CHSY3: variants seen among roughly 807,000 people sequenced by gnomAD.
CHSY3 encodes the protein chondroitin sulfate synthase 3.
A neutral mutation model predicts 67.2 loss-of-function variants in CHSY3; 35 were observed. That is an observed-to-expected ratio of 0.52 (90% CI 0.40 to 0.69). The LOEUF (loss-of-function observed/expected upper bound fraction) is 0.69. CHSY3 is among the 30% of genes least tolerant of loss of function. CHSY3 has a pLI of 0.00. For missense variants in CHSY3, 1,069 were observed against 1,138.5 expected (o/e 0.94, Z 0.88); for synonymous variants, 474 against 434.7 (o/e 1.09, Z -1.12).
intron 2 of CHSY3, among the ~76,000 whole-genome samples, chr5:130,062,567 A>G (rs558786335): frequency 9.0e-4 from 137 of 152,224 alleles, no homozygotes; most frequent in Middle Eastern, 3.4e-3. Context: ...ATTTTTTTTG[A>G]CTGAACTTGT....
intron 2 of CHSY3, among the ~76,000 whole-genome samples, chr5:129,958,832 G>A (rs1178516631): frequency 1.3e-5 from 2 of 152,126 alleles, no homozygotes; most frequent in Admixed American, 1.3e-4. Flanking sequence ...GTGCCTGGCA[G>A]ATGCAGATGT....
At chr5:129,986,449 G>T (rs998410461) in intron 2 of CHSY3, among the ~76,000 whole-genome samples, 4 of 151,942 alleles carry the variant, frequency 2.6e-5, no homozygotes, top group Non-Finnish European at 5.9e-5. Context: ...GAGGATTTTT[G>T]TATCATTGTT....
intron 2 of CHSY3, among the ~76,000 whole-genome samples, chr5:129,964,686 A>G (rs940420704): frequency 6.6e-6 from 1 of 151,936 alleles, no homozygotes; most frequent in African/African-American, 2.4e-5. Flanking sequence ...AATAGTATGT[A>G]GAGAATCTTA....
intron 2 of CHSY3, chr5:130,140,618 G>A: frequency 2.4e-6 from 1 of 418,448 alleles, no homozygotes; most frequent in South Asian, 4.1e-5. Flanking sequence ...CTTTGACCTG[G>A]GAGATGGCAC....
chr5:130,142,325 C>A (rs79383989), intron 2 of CHSY3, among the ~76,000 whole-genome samples: 6,893 of 152,176 alleles, frequency 0.045, 431 homozygotes, highest in East Asian at 0.27. Context: ...TAAATTGTGA[C>A]TATTTGGTAT....
intron 2 of CHSY3, among the ~76,000 whole-genome samples, chr5:130,182,287 A>G (rs556168476): frequency 2.0e-5 from 3 of 152,158 alleles, no homozygotes; most frequent in Non-Finnish European, 2.9e-5. Context: ...GAGTATTTGC[A>G]TACTCTTTTG....
chr5:130,151,711 A>T (rs922946569), intron 2 of CHSY3, among the ~76,000 whole-genome samples: 1 of 152,162 alleles, frequency 6.6e-6, no homozygotes, highest in African/African-American at 2.4e-5. Flanking sequence ...AGCCCCTTAT[A>T]AAACTACCAG....
intron 2 of CHSY3, among the ~76,000 whole-genome samples, chr5:130,105,553 CCT>C: frequency 6.6e-6 from 1 of 151,590 alleles, no homozygotes; most frequent in Middle Eastern, 3.4e-3. Context: ...CATCATAGGC[CCT>C]GTTTCATTCT....
intron 2 of CHSY3, among the ~76,000 whole-genome samples, chr5:130,025,336 G>A (rs1442714000): frequency 6.6e-6 from 1 of 152,052 alleles, no homozygotes; most frequent in East Asian, 1.9e-4. Flanking sequence ...GAAGCAACAT[G>A]CAAAAGGTAC....
At chr5:130,117,604 T>C (rs1469199454) in intron 2 of CHSY3, among the ~76,000 whole-genome samples, 1 of 152,204 alleles carries the variant, frequency 6.6e-6, no homozygotes, top group African/African-American at 2.4e-5. Context: ...AAACAAATTT[T>C]TTTTATTTTT....
intron 2 of CHSY3, among the ~76,000 whole-genome samples, chr5:130,075,193 T>G (rs1009316464): frequency 6.6e-6 from 1 of 152,146 alleles, no homozygotes; most frequent in African/African-American, 2.4e-5. Flanking sequence ...TACATCCAAC[T>G]CATTATTCTC....
intron 2 of CHSY3, among the ~76,000 whole-genome samples, chr5:130,164,162 T>C (rs1368006894): frequency 6.6e-6 from 1 of 152,202 alleles, no homozygotes; most frequent in Non-Finnish European, 1.5e-5. Flanking sequence ...TTTAGAATGT[T>C]AAAAACTCTC....
rs202095756 is a variant in CHSY3, at chr5:130,125,416, C to CAGATAGATAGATAGATAGATAGAT, written c.1087-58797_1087-58774dup. ...TGGGGAACAGAGTGAGATCCTGTCT[C>CAGATAGATAGATAGATAGATAGAT]AGATAGATAGATAGATAGATAGATA... On this transcript the variant is annotated intron_variant, in intron 2 of 2. Coordinates refer to ENST00000305031, the MANE Select transcript of CHSY3 (RefSeq NM_175856.5). Among the ~76,000 whole-genome samples the CAGATAGATAGATAGATAGATAGAT allele has an allele frequency of 1.5e-3, 215 of 140,988 alleles. 1 individual carries two copies. The highest frequency in any genetic ancestry group is 3.5e-3 in the East Asian group (16 of 4,632). 92.5% of individuals were successfully genotyped at this position (140,988 alleles called of 152,430 possible).
At chr5:130,166,301 C>A (rs1769745216) in intron 2 of CHSY3, among the ~76,000 whole-genome samples, 1 of 152,200 alleles carries the variant, frequency 6.6e-6, no homozygotes, top group Admixed American at 6.6e-5. Context: ...CCAAATTGTT[C>A]TTTACTCTTT....
intron 2 of CHSY3, among the ~76,000 whole-genome samples, chr5:130,064,566 T>G (rs1765821958): frequency 1.3e-5 from 2 of 152,144 alleles, no homozygotes; most frequent in African/African-American, 4.8e-5. Flanking sequence ...TTCAAATAAT[T>G]TTGCTCAATT....
chr5:130,155,550 C>G (rs1202542482), intron 2 of CHSY3, among the ~76,000 whole-genome samples: 1 of 152,222 alleles, frequency 6.6e-6, no homozygotes, highest in African/African-American at 2.4e-5. Context: ...ACACTGCCAG[C>G]TTTGCATATC....
At chr5:130,148,271 T>C (rs1769131664) in intron 2 of CHSY3, among the ~76,000 whole-genome samples, 1 of 152,232 alleles carries the variant, frequency 6.6e-6, no homozygotes, top group Admixed American at 6.5e-5. Context: ...GGTGTATATG[T>C]ACCACATTTT....
chr5:129,994,615 C>T (rs980300969), intron 2 of CHSY3, among the ~76,000 whole-genome samples: 7 of 152,008 alleles, frequency 4.6e-5, no homozygotes, highest in Non-Finnish European at 7.4e-5. Flanking sequence ...TATTGTGGCA[C>T]TATTCGCAAT....
At chr5:130,077,682 A>C (rs1320026133) in intron 2 of CHSY3, among the ~76,000 whole-genome samples, 1 of 152,096 alleles carries the variant, frequency 6.6e-6, no homozygotes, top group Non-Finnish European at 1.5e-5. Context: ...TTATCAGAGA[A>C]GTCTGAATAT....
Sources: allele counts gnomAD v4.1 joint callset (sites outside exome capture counted in the v4.1 genomes callset), GRCh38; gene constraint gnomAD v4.1.1; transcripts MANE v1.5; gene names NCBI Gene and HGNC (gene_info 2026-07-23, HGNC 2026-07-21).